Variants in AOPEP observed in about 807,000 individuals in gnomAD.
AOPEP encodes aminopeptidase O (putative).
In AOPEP, 77 loss-of-function variants were observed where a neutral mutation model predicts 98.1. The observed-to-expected ratio is 0.78, with a 90% CI of 0.65 to 0.95. The LOEUF (loss-of-function observed/expected upper bound fraction) is 0.95. Ranked by LOEUF, AOPEP falls within the 40% of genes least tolerant of loss-of-function variation. The pLI, the probability that AOPEP is intolerant of heterozygous loss-of-function variation, is 0.00. For synonymous variants in AOPEP, 346 were observed against 365.3 expected (o/e 0.95, Z 0.60); for missense variants, 1,024 against 1,024.7 (o/e 1.00, Z 0.01).
intron 5 of AOPEP, among the ~76,000 whole-genome samples, chr9:94,894,680 G>A (rs2136113127): frequency 1.3e-5 from 2 of 152,238 alleles, no homozygotes; most frequent in Non-Finnish European, 2.9e-5. Context: ...AGAAAGGAAG[G>A]CTTTCAAATT....
intron 5 of AOPEP, among the ~76,000 whole-genome samples, chr9:94,847,342 C>G (rs1371656920): frequency 6.6e-6 from 1 of 152,114 alleles, no homozygotes; most frequent in African/African-American, 2.4e-5. Flanking sequence ...GGATCTCATT[C>G]TTGGGCAGAG....
At chr9:95,128,393 T>C in the AOPEP span, among the ~76,000 whole-genome samples, 20 of 152,350 alleles carry the variant, frequency 1.3e-4, no homozygotes, top group South Asian at 3.5e-3. Flanking sequence ...AGCTTGGAAA[T>C]GCGTTGATAG....
intron 7 of AOPEP, chr9:94,932,009 ACGTGTCT>A: frequency 8.3e-7 from 1 of 1,210,712 alleles, no homozygotes; most frequent in Non-Finnish European, 1.0e-6. Context: ...AGACTGAATA[ACGTGTCT>A]AACCTCCTCT....
chr9:94,939,998 C>G (rs2104888), intron 7 of AOPEP, among the ~76,000 whole-genome samples: 3,812 of 152,282 alleles, frequency 0.025, 77 homozygotes, highest in Admixed American at 0.062. Context: ...GACTTGGGTC[C>G]CATCCCCAAG....
chr9:95,064,688 A>G (rs2067692162), intron 14 of AOPEP, among the ~76,000 whole-genome samples: 1 of 152,210 alleles, frequency 6.6e-6, no homozygotes, highest in African/African-American at 2.4e-5. Context: ...TACATTGTTT[A>G]CTTGGGAAGA....
At chr9:94,964,663 G>T (rs1298462671) in intron 9 of AOPEP, among the ~76,000 whole-genome samples, 1 of 136,274 alleles carries the variant, frequency 7.3e-6, no homozygotes, top group African/African-American at 2.8e-5. Context: ...TTTTTGAGAC[G>T]GAGTCTCTCA....
At chr9:94,927,504 T>G (rs2054536080) in intron 6 of AOPEP, among the ~76,000 whole-genome samples, 1 of 152,162 alleles carries the variant, frequency 6.6e-6, no homozygotes, top group African/African-American at 2.4e-5. Context: ...CGACGTGCCT[T>G]GCAAGTGCTC....
At chr9:95,011,949 CA>C (rs1329793702) in intron 13 of AOPEP, among the ~76,000 whole-genome samples, 6 of 152,196 alleles carry the variant, frequency 3.9e-5, no homozygotes, top group Non-Finnish European at 8.8e-5. Context: ...CACTTATTCA[CA>C]TATTTTAAAA....
intron 5 of AOPEP, among the ~76,000 whole-genome samples, chr9:94,920,050 G>C (rs2053393244): frequency 6.6e-6 from 1 of 152,244 alleles, no homozygotes; most frequent in Non-Finnish European, 1.5e-5. Context: ...CACTTTGGGA[G>C]GCTGAGGTGG....
Position 94,932,931 on chromosome 9 carries a change from C to T in AOPEP, c.1661+4400C>T, listed in dbSNP as rs531195954. On this transcript the variant is annotated intron_variant, in intron 7 of 16. Transcript: ENST00000375315. ...GGCTGGAGAGCCTGTAATGTGGCTA[C>T]AGGCTTCTGAGGCAAGACGATTTGC... 8 of 985,418 alleles carry T rather than the reference C, an allele frequency of 8.1e-6. No individual in the cohort carries two copies. In the African/African-American group the frequency reaches 8.7e-5, roughly 11 times the overall value. 61.0% of individuals were successfully genotyped at this position (985,418 alleles called of 1,614,324 possible).
intron 6 of AOPEP, among the ~76,000 whole-genome samples, chr9:94,924,744 G>A (rs1214956477): frequency 2.0e-5 from 3 of 152,182 alleles, no homozygotes; most frequent in Non-Finnish European, 4.4e-5. Flanking sequence ...CTAACCAATT[G>A]TCATGGTGAA....
intron 5 of AOPEP, among the ~76,000 whole-genome samples, chr9:94,870,484 A>G (rs1022295388): frequency 7.2e-5 from 11 of 152,176 alleles, no homozygotes; most frequent in Non-Finnish European, 1.5e-4. Flanking sequence ...TATTTGTTTT[A>G]TTTTATAAAT....
chr9:94,765,961 A>C (rs1839514048), intron 2 of AOPEP, among the ~76,000 whole-genome samples: 1 of 152,190 alleles, frequency 6.6e-6, no homozygotes. Flanking sequence ...ATCAGATACA[A>C]TGTGCTTCTT....
chr9:94,786,143 C>A lies in AOPEP; in HGVS notation c.965-6622C>A, dbSNP rs2133286518. ...TTGCAGATGAAGACTACAACAACAACAGATGATGACAGCACCTAATGTTTC... is the reference window on the plus strand; with the variant it reads ...TTGCAGATGAAGACTACAACAACAAAAGATGATGACAGCACCTAATGTTTC... On this transcript the variant is annotated intron_variant, in intron 3 of 16. Transcript: ENST00000375315. Among the ~76,000 whole-genome samples, 4 of 152,246 alleles carry A rather than the reference C, an allele frequency of 2.6e-5. No individual in the cohort carries two copies. In the South Asian group the frequency reaches 6.2e-4, roughly 24 times the overall value.
chr9:94,856,185 C>T (rs2044187222), intron 5 of AOPEP, among the ~76,000 whole-genome samples: 1 of 152,136 alleles, frequency 6.6e-6, no homozygotes, highest in Non-Finnish European at 1.5e-5. Context: ...TGCACACGTC[C>T]ACACCTGCTG....
At chr9:95,111,392 C>T in the AOPEP span, 2 of 1,596,950 alleles carry the variant, frequency 1.3e-6, no homozygotes, top group Non-Finnish European at 8.5e-7. Context: ...CACAACAGAG[C>T]CCCTCTCTGC....
At chr9:94,889,021 G>A (rs1360067948) in intron 5 of AOPEP, among the ~76,000 whole-genome samples, 3 of 151,906 alleles carry the variant, frequency 2.0e-5, no homozygotes, top group African/African-American at 2.4e-5. Flanking sequence ...CCTGCCCCTC[G>A]AAACCTCTCC....
At chr9:94,837,797 C>T (rs10732406) in intron 5 of AOPEP, among the ~76,000 whole-genome samples, 118,866 of 152,120 alleles carry the variant, frequency 0.78, 47,918 homozygotes, top group Non-Finnish European at 0.89. Context: ...AACCCACAGC[C>T]GACGTAATAC....
intron 5 of AOPEP, among the ~76,000 whole-genome samples, chr9:94,806,544 T>C (rs146869463): frequency 2.8e-3 from 428 of 152,370 alleles, no homozygotes; most frequent in Non-Finnish European, 4.6e-3. Flanking sequence ...AGGTGATTTA[T>C]GCCCATGTGT....
Sources: gnomAD v4.1 joint callset for allele counts (sites outside exome capture counted in the v4.1 genomes callset) on GRCh38, gnomAD v4.1.1 for gene constraint, MANE v1.5 for transcripts, NCBI Gene and HGNC (gene_info 2026-07-23, HGNC 2026-07-21) for gene names.